Variants in CREB5 observed in about 807,000 individuals in gnomAD.
CREB5 encodes the protein cAMP responsive element binding protein 5, also known as cyclic AMP-responsive element-binding protein 5.
In CREB5, 19 loss-of-function variants were observed where a neutral mutation model predicts 57.1. The observed-to-expected ratio is 0.33, with a 90% CI of 0.23 to 0.49. The LOEUF (loss-of-function observed/expected upper bound fraction) is 0.49, where lower values mean the gene tolerates loss of function less well. CREB5 is among the 20% of genes least tolerant of loss of function. The probability of loss-of-function intolerance (pLI) is 0.99; values close to 1 mark genes in which losing one functional copy is unlikely to be tolerated. For synonymous variants in CREB5, 238 were observed against 238.3 expected, an observed-to-expected ratio of 1.00 and a Z score of 0.01; for missense variants, 579 against 671.6, an observed-to-expected ratio of 0.86 and a Z score of 1.52.
chr7:28,572,980 G>A (rs992929523), intron 5 of CREB5, among the ~76,000 whole-genome samples: 1 of 152,126 alleles, frequency 6.6e-6, no homozygotes, highest in African/African-American at 2.4e-5. Flanking sequence ...CTTTTATTCA[G>A]ATTCCTCCCT....
At chr7:28,804,024 T>C (rs929825475) in intron 7 of CREB5, among the ~76,000 whole-genome samples, 175 bp from the exon 8 acceptor site, 2 of 152,112 alleles carry the variant, frequency 1.3e-5, no homozygotes, top group South Asian at 2.1e-4. Flanking sequence ...TAAGAAAATA[T>C]GAAATTAATA....
chr7:28,379,861 T>C (rs1309813375), intron 1 of CREB5, among the ~76,000 whole-genome samples: 1 of 152,200 alleles, frequency 6.6e-6, no homozygotes, highest in Non-Finnish European at 1.5e-5. Flanking sequence ...TCTATTGAGT[T>C]AGAAATTCTG....
At chr7:28,313,457 C>T (rs1268820626) in intron 1 of CREB5, among the ~76,000 whole-genome samples, 1 of 152,218 alleles carries the variant, frequency 6.6e-6, no homozygotes, top group Non-Finnish European at 1.5e-5. Flanking sequence ...CTGTGATTCA[C>T]TGTCCTAAGG....
chr7:28,626,760 C>T (rs773090498), intron 5 of CREB5, among the ~76,000 whole-genome samples: 5 of 152,170 alleles, frequency 3.3e-5, no homozygotes, highest in South Asian at 2.1e-4. Flanking sequence ...TGTTCTTTCT[C>T]ATGCTCCATG....
At chr7:28,580,194 T>A (rs1224766323) in intron 5 of CREB5, among the ~76,000 whole-genome samples, 1 of 152,124 alleles carries the variant, frequency 6.6e-6, no homozygotes, top group Non-Finnish European at 1.5e-5. Flanking sequence ...CTCCAAATCA[T>A]AGACTTTCTA....
chr7:28,521,048 C>G (rs544909858), intron 4 of CREB5, among the ~76,000 whole-genome samples: 55 of 152,170 alleles, frequency 3.6e-4, no homozygotes, highest in Non-Finnish European at 7.6e-4. Flanking sequence ...TGTGTGGGGG[C>G]AGTCTCTCCT....
chr7:28,311,085 G>A (rs1377583780), intron 1 of CREB5, among the ~76,000 whole-genome samples: 1 of 133,932 alleles, frequency 7.5e-6, no homozygotes, highest in Non-Finnish European at 1.5e-5. Flanking sequence ...CGAGGGTCAG[G>A]AGATCAAGAC....
intron 1 of CREB5, among the ~76,000 whole-genome samples, chr7:28,457,956 G>A (rs1023586393): frequency 3.3e-5 from 5 of 152,094 alleles, no homozygotes; most frequent in Non-Finnish European, 5.9e-5. Context: ...AGGAGCTGTC[G>A]CCTTAGATTT....
chr7:28,667,997 T>C (rs1282499880), intron 5 of CREB5, among the ~76,000 whole-genome samples: 1 of 152,234 alleles, frequency 6.6e-6, no homozygotes, highest in African/African-American at 2.4e-5. Flanking sequence ...CACATGAAGT[T>C]AATCATACTT....
intron 5 of CREB5, among the ~76,000 whole-genome samples, chr7:28,575,569 C>T (rs1212668262): frequency 2.6e-5 from 4 of 152,246 alleles, no homozygotes; most frequent in African/African-American, 4.8e-5. Flanking sequence ...TCAGGCCAGC[C>T]TCCTTCCTGC....
At chr7:28,517,205 A>G (rs1793002701) in intron 4 of CREB5, among the ~76,000 whole-genome samples, 1 of 152,230 alleles carries the variant, frequency 6.6e-6, no homozygotes, top group Admixed American at 6.5e-5. Context: ...CTGACATTGT[A>G]AAAAGAGGAA....
Position 28,502,600 on chromosome 7 carries a change from C to T in CREB5, c.170-5016C>T, listed in dbSNP as rs181365918. On this transcript the variant is annotated intron_variant, in intron 3 of 10. Transcript: ENST00000357727. ...AAGAATATCCTGTAATTAGACTGGCCGCTAATTCAGACTAACCTTTATTGT... is the reference window on the plus strand; with the variant it reads ...AAGAATATCCTGTAATTAGACTGGCTGCTAATTCAGACTAACCTTTATTGT... Among the ~76,000 whole-genome samples the T allele has an allele frequency of 2.6e-3, 400 of 152,238 alleles. 2 individuals are homozygous for T. Among genetic ancestry groups the T allele is most frequent in the Non-Finnish European group, 2.6e-3 (174 of 68,012 alleles).
chr7:28,304,497 A>G (rs570898188), intron 1 of CREB5, among the ~76,000 whole-genome samples: 1 of 152,200 alleles, frequency 6.6e-6, no homozygotes, highest in Non-Finnish European at 1.5e-5. Flanking sequence ...GCACTTTCTT[A>G]GCCTGCTGGT....
chr7:28,466,305 C>T (rs1304453244), intron 1 of CREB5, among the ~76,000 whole-genome samples: 9 of 150,246 alleles, frequency 6.0e-5, no homozygotes, highest in African/African-American at 2.0e-4. Context: ...AGATAATGTC[C>T]TATCTCTCAT....
chr7:28,647,004 C>T (rs1322564944), intron 5 of CREB5, among the ~76,000 whole-genome samples: 1 of 152,000 alleles, frequency 6.6e-6, no homozygotes, highest in African/African-American at 2.4e-5. Flanking sequence ...GGTGATACAT[C>T]AGTGGAGATG....
intron 5 of CREB5, among the ~76,000 whole-genome samples, chr7:28,597,948 T>C (rs993129345): frequency 2.0e-5 from 3 of 152,190 alleles, no homozygotes; most frequent in Non-Finnish European, 4.4e-5. Context: ...TATGTATATA[T>C]TTGGCAAGCT....
At chr7:28,469,754 A>G (rs146012072) in intron 1 of CREB5, among the ~76,000 whole-genome samples, 2,424 of 152,300 alleles carry the variant, frequency 0.016, 54 homozygotes, top group African/African-American at 0.054. Flanking sequence ...TTTAATCCTC[A>G]CATACTAATA....
At chr7:28,728,462 A>G (rs1380360208) in intron 7 of CREB5, among the ~76,000 whole-genome samples, 1 of 152,252 alleles carries the variant, frequency 6.6e-6, no homozygotes, top group African/African-American at 2.4e-5. Context: ...ATTTACATAA[A>G]AATGGGAGAC....
At chr7:28,766,643 A>G (rs1475773441) in intron 7 of CREB5, among the ~76,000 whole-genome samples, 2 of 152,216 alleles carry the variant, frequency 1.3e-5, no homozygotes, top group Non-Finnish European at 2.9e-5. Context: ...ACGGGCTGGA[A>G]TGTCGACCCA....
Sources: allele counts gnomAD v4.1 joint callset (sites outside exome capture counted in the v4.1 genomes callset), GRCh38; gene constraint gnomAD v4.1.1; transcripts MANE v1.5; gene names NCBI Gene and HGNC (gene_info 2026-07-23, HGNC 2026-07-21).